The following GRHL1 variants were observed in gnomAD, a reference collection of about 807,000 sequenced individuals.
GRHL1 encodes the protein grainyhead-like protein 1 homolog.
A neutral mutation model predicts 75.7 loss-of-function variants in GRHL1; 38 were observed. The ratio of observed to expected loss-of-function variants is 0.50; its 90% confidence interval spans 0.39 to 0.66. The LOEUF (loss-of-function observed/expected upper bound fraction) is 0.66. Ranked by LOEUF, GRHL1 falls within the 30% of genes least tolerant of loss-of-function variation. The pLI is 0.00. For synonymous variants in GRHL1, 266 were observed against 279.4 expected (o/e 0.95, Z 0.48); for missense variants, 589 against 767.5 (o/e 0.77, Z 2.75).
intron 8 of GRHL1, among the ~76,000 whole-genome samples, chr2:9,978,999 A>G (rs115561556): frequency 0.011 from 1,735 of 150,930 alleles, 29 homozygotes; most frequent in African/African-American, 0.039. Flanking sequence ...CTCAAAAAAC[A>G]AAATTCAAAA....
In GRHL1 at chr2:9,963,959, C is replaced by G. The variant is rs144366219; in HGVS notation, c.820C>G (p.Leu274Val). 1 of 1,613,244 alleles carries G rather than the reference C, an allele frequency of 6.2e-7. No homozygotes were observed. Among genetic ancestry groups the G allele is most frequent in the East Asian group, 2.2e-5 (1 of 44,876 alleles). ...QKPGDSTMTYLNKGQFYPITL... is the reference protein window; with the variant it reads ...QKPGDSTMTYVNKGQFYPITL... ...GCCAGGAGACAGTACCATGACGTAC[C>G]TGAACAAAGGCCAGTTCTATCCCAT... The change falls in exon 6 of 16, where the codon CTG becomes GTG. Residue 274 changes from leucine to valine, a missense_variant. This residue lies in a region of GRHL1 where 362 missense variants were observed against 461.8 expected (regional missense o/e 0.78). Coordinates refer to ENST00000324907, the MANE Select transcript of GRHL1 (RefSeq NM_198182.3).
intron 8 of GRHL1, among the ~76,000 whole-genome samples, chr2:9,978,406 A>G (rs1668043719): frequency 6.6e-6 from 1 of 152,184 alleles, no homozygotes; most frequent in South Asian, 2.1e-4. Context: ...CGATGGAGGA[A>G]AGGGTATTTT....
rs577960706 is a variant in GRHL1 at position 9,954,974 on chromosome 2, C to G, written c.80C>G (p.Thr27Ser). ...CTTTATCCACAGCGGCGGTCCTACACTAGTGAGGATGAGGCCTGGAAATCC... is the reference window on the plus strand; with the variant it reads ...CTTTATCCACAGCGGCGGTCCTACAGTAGTGAGGATGAGGCCTGGAAATCC... ...EALYPQRRSY[T>S]SEDEAWKSFL... Residue 27 changes from threonine (T) to serine (S), a missense_variant, in exon 2 of 16, where the codon ACT (threonine) becomes AGT (serine). By Grantham distance (58) the Thr-to-Ser change is moderately conservative. Around this residue, in one of 5 missense-constraint regions of GRHL1, gnomAD observed 362 missense variants for 461.8 expected, o/e 0.78. Coordinates refer to ENST00000324907, the MANE Select transcript of GRHL1 (RefSeq NM_198182.3). The G allele has an allele frequency of 2.2e-4, 362 of 1,613,376 alleles. No homozygotes were observed. The highest frequency in any genetic ancestry group is 3.3e-4 in the Middle Eastern group (2 of 6,062).
rs983993477 is a variant in GRHL1 at position 9,968,327 on chromosome 2, G to A, written c.1110+2946G>A. Among the ~76,000 whole-genome samples the A allele has an allele frequency of 1.3e-5, 2 of 152,228 alleles. No homozygotes were observed. The highest frequency in any genetic ancestry group is 4.8e-5 in the African/African-American group (2 of 41,456). ...AAAATTTGTTCGTTTTCAAAGTGGT[G>A]GAAGAGAAGGAAGTTGCTTTTTGAA... On this transcript the variant is annotated intron_variant, in intron 8 of 15. Coordinates refer to ENST00000324907, the MANE Select transcript of GRHL1 (RefSeq NM_198182.3). The surrounding 1 kb of genome is among the most constrained non-coding windows in gnomAD (Gnocchi z 4.7).
intron 3 of GRHL1, 155 bp downstream of exon 3, chr2:9,959,011 G>T: frequency 8.4e-7 from 1 of 1,185,422 alleles, no homozygotes. Context: ...TCACTGATTT[G>T]CCTCTGTTGC....
chr2:9,988,273 C>T (rs902808476), intron 9 of GRHL1, among the ~76,000 whole-genome samples: 4 of 152,202 alleles, frequency 2.6e-5, no homozygotes, highest in African/African-American at 7.2e-5. Flanking sequence ...AATCATCCCG[C>T]GCTCCTGAGC....
At chr2:9,972,978 C>T (rs991883632) in intron 8 of GRHL1, among the ~76,000 whole-genome samples, 1 of 152,112 alleles carries the variant, frequency 6.6e-6, no homozygotes, top group Admixed American at 6.5e-5. Context: ...GGTGCTGAGG[C>T]AACAGCCAGG....
At chr2:9,956,231 A>T (rs1001015554) in intron 2 of GRHL1, among the ~76,000 whole-genome samples, 4 of 152,350 alleles carry the variant, frequency 2.6e-5, no homozygotes, top group Non-Finnish European at 1.5e-5. Context: ...ACATTCTGGC[A>T]CTGTATTCTT....
At chr2:9,994,507 G>A (rs999678113) in intron 12 of GRHL1, among the ~76,000 whole-genome samples, 2 of 151,926 alleles carry the variant, frequency 1.3e-5, no homozygotes, top group Non-Finnish European at 2.9e-5. Flanking sequence ...CCATTCCCAG[G>A]GCTTAAACCG....
intron 1 of GRHL1, among the ~76,000 whole-genome samples, chr2:9,953,458 A>G (rs1666885775): frequency 6.6e-6 from 1 of 152,220 alleles, no homozygotes. Flanking sequence ...TGTGTAAGCA[A>G]TCTTCTCCAT....
chr2:9,952,493 T>C (rs1666833440), intron 1 of GRHL1, among the ~76,000 whole-genome samples: 1 of 152,192 alleles, frequency 6.6e-6, no homozygotes, highest in Non-Finnish European at 1.5e-5. Context: ...TTTTTAGTGC[T>C]CGAGAGAATC....
At chr2:9,979,233 CTTT>C (rs113844108) in intron 8 of GRHL1, among the ~76,000 whole-genome samples, 12 of 134,860 alleles carry the variant, frequency 8.9e-5, no homozygotes, top group East Asian at 2.2e-4. Context: ...AATGTTCAAT[CTTT>C]TTTTTTTTTT....
In GRHL1 at chr2:9,987,379, G is replaced by A. The variant is rs1668466943; in HGVS notation, c.1269+1097G>A. On this transcript the variant is annotated intron_variant, in intron 9 of 15. Coordinates refer to ENST00000324907, the MANE Select transcript of GRHL1 (RefSeq NM_198182.3). This position sits in a 1 kb window ranked among gnomAD's most constrained non-coding sequence, Gnocchi z 4.2. ...TTAGAAGGGTTGATAAGTACGTTTT[G>A]TTGGGCATGTCTGATAAGTAAAGGA... Among the ~76,000 whole-genome samples, 1 of 152,186 alleles carries A rather than the reference G, an allele frequency of 6.6e-6. No homozygotes were observed. The highest frequency in any genetic ancestry group is 3.2e-3 in the Middle Eastern group (1 of 316).
At chr2:9,960,848 T>G in intron 3 of GRHL1, 198 bp from the exon 4 acceptor site, 1 of 532,064 alleles carries the variant, frequency 1.9e-6, no homozygotes, top group Non-Finnish European at 3.3e-6. Flanking sequence ...AAATTTTACT[T>G]AATAGGTTTG....
At chr2:9,989,662 C>T (rs1414241552) in intron 9 of GRHL1, among the ~76,000 whole-genome samples, 1 of 152,154 alleles carries the variant, frequency 6.6e-6, no homozygotes, top group Admixed American at 6.5e-5. Context: ...GATTCTCCTG[C>T]CTCAGCCTCC....
At chr2:9,999,925 A>G (rs902693625) in intron 15 of GRHL1, among the ~76,000 whole-genome samples, 5 of 151,946 alleles carry the variant, frequency 3.3e-5, no homozygotes, top group African/African-American at 9.7e-5. Flanking sequence ...CACTTGCTGG[A>G]GTGTGTAATT....
At chr2:9,998,448 G>GTGTGTGTGTGT (rs1553306800) in intron 14 of GRHL1, among the ~76,000 whole-genome samples, 1 of 71,146 alleles carries the variant, frequency 1.4e-5, no homozygotes, top group Non-Finnish European at 2.6e-5. Flanking sequence ...GTGTGTGTGT[G>GTGTGTGTGTGT]TATATATATA....
At chr2:9,961,689 T>A (rs1667282303) in intron 4 of GRHL1, among the ~76,000 whole-genome samples, 1 of 152,144 alleles carries the variant, frequency 6.6e-6, no homozygotes, top group South Asian at 2.1e-4. Context: ...AGCTAAGGGA[T>A]TTGCTGGAGA....
intron 14 of GRHL1, among the ~76,000 whole-genome samples, chr2:9,998,424 A>ATGTGTGTGTGTGTG (rs373392159): frequency 2.9e-5 from 1 of 34,450 alleles, no homozygotes; most frequent in Non-Finnish European, 5.1e-5. Flanking sequence ...GTGACTATGC[A>ATGTGTGTGTGTGTG]TGTGTGTGTG....
Sources: allele counts gnomAD v4.1 joint callset (sites outside exome capture counted in the v4.1 genomes callset), GRCh38; gene constraint gnomAD v4.1.1; regional missense constraint gnomAD v4.1.1; non-coding constraint Gnocchi (gnomAD v3.1); transcripts MANE v1.5; gene names NCBI Gene and HGNC (gene_info 2026-07-23, HGNC 2026-07-21).